Variants in PLEKHA4 observed in about 807,000 individuals in gnomAD.
PLEKHA4 encodes the protein pleckstrin homology domain-containing family A member 4.
Under a neutral mutation model 94.7 loss-of-function variants are expected in PLEKHA4, and 73 were observed. That is an observed-to-expected ratio of 0.77 (90% CI 0.64 to 0.94). PLEKHA4 has a LOEUF of 0.94. PLEKHA4 is among the 40% of genes least tolerant of loss of function. PLEKHA4 has a pLI of 0.00. For synonymous variants in PLEKHA4, 449 were observed against 437.1 expected (o/e 1.03, Z -0.34); for missense variants, 1,049 against 1,054.1 (o/e 1.00, Z 0.07).
intron 3 of PLEKHA4, among the ~76,000 whole-genome samples, chr19:48,864,865 T>C (rs1258667033): frequency 6.6e-6 from 1 of 152,214 alleles, no homozygotes; most frequent in African/African-American, 2.4e-5. Context: ...ACCTGGACCC[T>C]ATGTTACTTC....
rs755905495 is a variant in PLEKHA4 at position 48,845,605 on chromosome 19, C to T, written c.1578G>A (p.Glu526=). The change falls in exon 15 of 20, where the codon GAG becomes GAA. Residue 526 remains glutamate, a synonymous_variant. Transcript: ENST00000263265. ...ACCTAGGGGAGCTCAGTTCCAAGGA[C>T]TCTGGCAGGCTCTGCGGGGATTAGA... ...EESSERESLP[E]SLELSSPRSP... 7.6e-6 allele frequency: 12 copies of T among 1,586,300 alleles called. No homozygotes were observed. The Admixed American group carries it at 2.3e-4, about 30-fold the overall frequency.
intron 16 of PLEKHA4, 93 bp from the exon 17 acceptor site, chr19:48,841,403 G>A: frequency 7.5e-7 from 1 of 1,336,892 alleles, no homozygotes; most frequent in Non-Finnish European, 9.9e-7. Context: ...GAGTAGAGAG[G>A]ATCACTTGAG....
At position 48,867,168 on chromosome 19, in the gene PLEKHA4, T is replaced by C. The variant is rs1005669818; in HGVS notation, c.84+369A>G. Among the ~76,000 whole-genome samples, 2 of 152,110 alleles carry C rather than the reference T, an allele frequency of 1.3e-5. No individual in the cohort carries two copies. Among genetic ancestry groups the C allele is most frequent in the African/African-American group, 4.8e-5 (2 of 41,422 alleles). ...ATTGTCAGAGAAGGGTCTCTCCTTA[T>C]AGGATTTCATTAGTGGGTAGATTGG... On this transcript the variant is annotated intron_variant, in intron 2 of 19. Transcript: ENST00000263265. The surrounding 1 kb of genome is among the most constrained non-coding windows in gnomAD (Gnocchi z 4.7).
chr19:48,859,443 C>T (rs775024543), intron 7 of PLEKHA4, 26 bp downstream of exon 7: 56 of 1,610,572 alleles, frequency 3.5e-5, no homozygotes, highest in Non-Finnish European at 4.7e-5. Context: ...TTAGGCCACG[C>T]CCACAACCAT....
chr19:48,842,143 C>CTTTTTTTTTTT (rs398059794), intron 16 of PLEKHA4, among the ~76,000 whole-genome samples: 1 of 121,444 alleles, frequency 8.2e-6, no homozygotes, highest in African/African-American at 3.4e-5. Context: ...AATTTATTTT[C>CTTTTTTTTTTT]TTTTTTTTTT....
At chr19:48,854,347 T>A in intron 9 of PLEKHA4, 83 bp from the exon 10 acceptor site, 1 of 1,093,942 alleles carries the variant, frequency 9.1e-7, no homozygotes, top group Non-Finnish European at 1.4e-6. Flanking sequence ...GCCCTGTCTC[T>A]ACTGATAGGT....
chr19:48,865,450 G>A lies in PLEKHA4; in HGVS notation c.192+53C>T. On this transcript the variant is annotated intron_variant, in intron 3 of 19. Coordinates refer to ENST00000263265, the MANE Select transcript of PLEKHA4 (RefSeq NM_020904.3). The stretch of plus-strand genomic sequence containing the variant: ...GGGGACTTGCAAGGAGAGAGACAGA[G>A]GACAGCCGGGGCACAGACTTCAGTG... 4 of 1,402,350 alleles carry A rather than the reference G, an allele frequency of 2.9e-6. No individual in the cohort carries two copies. In the East Asian group the frequency reaches 6.9e-5, roughly 24 times the overall value. 86.9% of individuals were successfully genotyped at this position (1,402,350 alleles called of 1,614,324 possible).
rs73061639 is a variant in PLEKHA4 at position 48,862,124 on chromosome 19, G to A, written c.193-432C>T. Among the ~76,000 whole-genome samples, 557 of 152,098 alleles carry A rather than the reference G, an allele frequency of 3.7e-3. 5 individuals carry two copies. Among genetic ancestry groups the A allele is most frequent in the Non-Finnish European group, 5.8e-3 (397 of 67,966 alleles). On this transcript the variant is annotated intron_variant, in intron 3 of 19. Coordinates refer to ENST00000263265, the MANE Select transcript of PLEKHA4 (RefSeq NM_020904.3). ...ACAGAGACACATGTTTGGGGCAATG[G>A]AGTGGATAAGAAGGAGAGCTGGAAG...
Position 48,852,293 on chromosome 19 carries a change from G to C in PLEKHA4, c.1360C>G (p.Leu454Val). The C allele has an allele frequency of 4.3e-6, 7 of 1,614,106 alleles. No individual in the cohort carries two copies. Among genetic ancestry groups the C allele is most frequent in the Non-Finnish European group, 5.9e-6 (7 of 1,180,034 alleles). The change falls in exon 13 of 20, where the codon CTG becomes GTG. Residue 454 changes from leucine (L) to valine (V), a missense_variant. By Grantham distance (32) the Leu-to-Val change is conservative. Transcript: ENST00000263265. The stretch of plus-strand genomic sequence containing the variant: ...CTTAAGGTGCCCAGCTCCTGCTCCA[G>C]GCCACTGTACGTGTCCCAAACCCTC... Reference protein sequence around the residue: ...RERVWDTYSGLEQELGTLRET... With the variant: ...RERVWDTYSGVEQELGTLRET...
intron 18 of PLEKHA4, among the ~76,000 whole-genome samples, chr19:48,838,967 A>G (rs1467743628): frequency 6.6e-6 from 1 of 151,878 alleles, no homozygotes; most frequent in African/African-American, 2.4e-5. Flanking sequence ...ACTATCACCC[A>G]ATTTCCTTGA....
At position 48,861,400 on chromosome 19, in the gene PLEKHA4, C is replaced by T. The variant is rs756926315; in HGVS notation, c.366+1G>A. On this transcript the variant is annotated splice_donor_variant, in intron 5 of 19. Transcript: ENST00000263265. LOFTEE classifies it high-confidence loss of function. ...TGCACAACATGGATGGATGGACTCA[C>T]GGTGAAGGTGAAGCGCCGCCCTCGG... 7 of 1,612,026 alleles carry T rather than the reference C, an allele frequency of 4.3e-6. No individual in the cohort carries two copies. The highest frequency in any genetic ancestry group is 1.7e-5 in the Admixed American group (1 of 59,990).
At chr19:48,860,114 T>C (rs2036577455) in intron 6 of PLEKHA4, 2 of 585,182 alleles carry the variant, frequency 3.4e-6, no homozygotes, top group Non-Finnish European at 3.0e-6. Flanking sequence ...GCTGAGTGCG[T>C]GACTGAAGGG....
chr19:48,859,259 G>T lies in PLEKHA4; in HGVS notation c.693-120C>A, dbSNP rs914772317. On this transcript the variant is annotated intron_variant, in intron 7 of 19. Transcript: ENST00000263265. ...TCACTGTGTCTTACTGTCCCACTGG[G>T]TTAGAATCCTCCTCTACTGTCCAAA... The T allele has an allele frequency of 4.3e-6, 4 of 938,182 alleles. No individual in the cohort carries two copies. The African/African-American group carries it at 6.7e-5, about 16-fold the overall frequency. 58.1% of individuals were successfully genotyped at this position (938,182 alleles called of 1,614,324 possible).
chr19:48,859,694 G>T lies in PLEKHA4; in HGVS notation c.477-10C>A, dbSNP rs758823823. The stretch of plus-strand genomic sequence containing the variant: ...TGACCTGGGTTGCCCACTAGCGAGT[G>T]GACATAGACAAGATATCACTCCTTC... On this transcript the variant is annotated splice_polypyrimidine_tract_variant and intron_variant, in intron 6 of 19. Transcript: ENST00000263265. The T allele has an allele frequency of 1.2e-5, 19 of 1,608,638 alleles. No individual in the cohort carries two copies. Among genetic ancestry groups the T allele is most frequent in the Non-Finnish European group, 1.5e-5 (18 of 1,178,496 alleles).
chr19:48,850,788 G>A (rs936421659), intron 13 of PLEKHA4, among the ~76,000 whole-genome samples: 1 of 151,966 alleles, frequency 6.6e-6, no homozygotes, highest in Admixed American at 6.6e-5. Context: ...TTGCACTCCG[G>A]TCTGGGCAAC....
chr19:48,839,104 T>A, intron 18 of PLEKHA4, 101 bp downstream of exon 18: 1 of 740,172 alleles, frequency 1.4e-6, no homozygotes, highest in South Asian at 2.7e-5. Context: ...GGGTTGCGAT[T>A]TGTACTTCCA....
intron 9 of PLEKHA4, among the ~76,000 whole-genome samples, chr19:48,855,296 C>CA (rs1005712741): frequency 4.0e-5 from 6 of 150,014 alleles, no homozygotes; most frequent in African/African-American, 9.8e-5. Context: ...CTTGTGTCTG[C>CA]AAAAAAAATA....
At chr19:48,862,339 T>C (rs1041273669) in intron 3 of PLEKHA4, among the ~76,000 whole-genome samples, 1 of 151,276 alleles carries the variant, frequency 6.6e-6, no homozygotes. Flanking sequence ...TAACTGGGAT[T>C]ACAGGCACGC....
chr19:48,837,567 G>C lies in PLEKHA4; in HGVS notation c.2078-16C>G. ...AAATTTCCACCTGGAGAGGATGAGTGGGACATGAGAATGGCAAACCTCAGC... is the reference window on the plus strand; with the variant it reads ...AAATTTCCACCTGGAGAGGATGAGTCGGACATGAGAATGGCAAACCTCAGC... On this transcript the variant is annotated splice_polypyrimidine_tract_variant and intron_variant, in intron 19 of 19. Transcript: ENST00000263265. This position sits in a 1 kb window ranked among gnomAD's most constrained non-coding sequence, Gnocchi z 4.3. 6.2e-7 allele frequency: 1 copy of C among 1,612,908 alleles called. No homozygotes were observed. The highest frequency in any genetic ancestry group is 8.5e-7 in the Non-Finnish European group (1 of 1,179,646).
Sources: allele counts gnomAD v4.1 joint callset (sites outside exome capture counted in the v4.1 genomes callset), GRCh38; gene constraint gnomAD v4.1.1; non-coding constraint Gnocchi (gnomAD v3.1); transcripts MANE v1.5; gene names NCBI Gene and HGNC (gene_info 2026-07-23, HGNC 2026-07-21).